The following AGMO variants were observed in gnomAD, a reference collection of about 807,000 sequenced individuals.
AGMO encodes the protein glyceryl-ether monooxygenase.
A neutral mutation model predicts 60.2 loss-of-function variants in AGMO; 75 were observed. That is an observed-to-expected ratio of 1.25 (90% CI 1.03 to 1.51). The LOEUF (loss-of-function observed/expected upper bound fraction) is 1.51, where lower values mean the gene tolerates loss of function less well. Among genes scored for constraint, AGMO ranks in the 40% most tolerant of loss-of-function variants. AGMO has a pLI of 0.00. For synonymous variants in AGMO, 261 were observed against 177.1 expected, an observed-to-expected ratio of 1.47 and a Z score of -3.76; for missense variants, 763 against 525.5, an observed-to-expected ratio of 1.45 and a Z score of -4.42.
chr7:15,172,909 C>A, the AGMO span, among the ~76,000 whole-genome samples: 3 of 152,080 alleles, frequency 2.0e-5, no homozygotes, highest in African/African-American at 4.8e-5. Context: ...ATCTGAAAAA[C>A]CTTACAATCA....
chr7:15,270,282 TG>T (rs1783556036), intron 12 of AGMO, among the ~76,000 whole-genome samples: 1 of 152,118 alleles, frequency 6.6e-6, no homozygotes, highest in Admixed American at 6.6e-5. Flanking sequence ...TGTTGTTTTT[TG>T]ACTTTGTATT....
chr7:15,189,086 G>T, the AGMO span, among the ~76,000 whole-genome samples: 2 of 152,162 alleles, frequency 1.3e-5, no homozygotes, highest in South Asian at 4.1e-4. Context: ...AAAATATTTT[G>T]AAGGATCCTA....
At chr7:15,271,320 G>C (rs571389038) in intron 12 of AGMO, among the ~76,000 whole-genome samples, 1 of 152,062 alleles carries the variant, frequency 6.6e-6, no homozygotes, top group African/African-American at 2.4e-5. Context: ...TTTTCCATTT[G>C]TTTATGTCAT....
intron 12 of AGMO, among the ~76,000 whole-genome samples, chr7:15,273,355 GT>G (rs1166902043): frequency 6.6e-6 from 1 of 152,110 alleles, no homozygotes; most frequent in Non-Finnish European, 1.5e-5. Context: ...TGGCTAGTCA[GT>G]TTTCCCAGCA....
chr7:15,165,789 G>A, the AGMO span, among the ~76,000 whole-genome samples: 1 of 151,978 alleles, frequency 6.6e-6, no homozygotes, highest in Non-Finnish European at 1.5e-5. Flanking sequence ...TTCTATAAAT[G>A]AGAATCTATA....
At chr7:15,439,914 T>C (rs1781503466) in intron 3 of AGMO, among the ~76,000 whole-genome samples, 2 of 152,164 alleles carry the variant, frequency 1.3e-5, no homozygotes, top group African/African-American at 4.8e-5. Context: ...TGTCTCTTGC[T>C]TCCAATCTCT....
At chr7:15,209,673 CAT>C (rs1781533350) in intron 12 of AGMO, among the ~76,000 whole-genome samples, 1 of 152,090 alleles carries the variant, frequency 6.6e-6, no homozygotes, top group Non-Finnish European at 1.5e-5. Flanking sequence ...AGTCTCAAGT[CAT>C]AAACTGCAGG....
rs1042137943 is a variant in AGMO at position 15,286,704 on chromosome 7, C to A, written c.1263+78810G>T. Among the ~76,000 whole-genome samples the A allele has an allele frequency of 2.0e-5, 3 of 152,042 alleles. No individual in the cohort carries two copies. In the South Asian group the frequency reaches 6.2e-4, roughly 32 times the overall value. On this transcript the variant is annotated intron_variant, in intron 12 of 12. Coordinates refer to ENST00000342526, the MANE Select transcript of AGMO (RefSeq NM_001004320.2). ...ACTAAAAGAAGATCTAGCATTGTATCCAGCAATCCCACTACTGGGTATCTC... is the reference window on the plus strand; with the variant it reads ...ACTAAAAGAAGATCTAGCATTGTATACAGCAATCCCACTACTGGGTATCTC...
At chr7:15,145,112 G>C in the AGMO span, among the ~76,000 whole-genome samples, 3 of 152,212 alleles carry the variant, frequency 2.0e-5, no homozygotes, top group Admixed American at 2.0e-4. Context: ...ACAGGCGTGA[G>C]CCGCTGCGCC....
chr7:15,325,455 A>C (rs1781308293), intron 12 of AGMO, among the ~76,000 whole-genome samples: 1 of 148,970 alleles, frequency 6.7e-6, no homozygotes, highest in Non-Finnish European at 1.5e-5. Flanking sequence ...GCTTATTTTT[A>C]ATTATTTTCC....
the AGMO span, among the ~76,000 whole-genome samples, chr7:15,179,061 C>A: frequency 6.6e-6 from 1 of 152,152 alleles, no homozygotes. Context: ...AGTCTCATTT[C>A]TTAATGCTGT....
At chr7:15,317,834 A>AT (rs1780973709) in intron 12 of AGMO, among the ~76,000 whole-genome samples, 1 of 141,050 alleles carries the variant, frequency 7.1e-6, no homozygotes, top group African/African-American at 2.5e-5. Context: ...AAAGGTTTAT[A>AT]TTTTTGTCAT....
chr7:15,138,587 A>C, the AGMO span, among the ~76,000 whole-genome samples: 2 of 146,014 alleles, frequency 1.4e-5, no homozygotes, highest in African/African-American at 2.5e-5. Flanking sequence ...AACTATCTGC[A>C]TTTCTAGGCA....
intron 10 of AGMO, among the ~76,000 whole-genome samples, chr7:15,370,349 T>C (rs763640748): frequency 3.9e-5 from 6 of 152,208 alleles, no homozygotes; most frequent in Non-Finnish European, 5.9e-5. Flanking sequence ...TTGTGAATAA[T>C]GCTGCGATGA....
intron 12 of AGMO, among the ~76,000 whole-genome samples, chr7:15,261,616 A>G (rs1583339194): frequency 6.6e-6 from 1 of 152,192 alleles, no homozygotes; most frequent in Admixed American, 6.6e-5. Flanking sequence ...TATCTAAAAG[A>G]TAAAGAAAGA....
intron 12 of AGMO, among the ~76,000 whole-genome samples, chr7:15,280,646 T>C (rs529227933): frequency 8.9e-4 from 136 of 152,170 alleles, no homozygotes; most frequent in Non-Finnish European, 1.5e-3. Context: ...CTGGTGCCCT[T>C]TGCAAATGCC....
chr7:15,399,532 A>C, intron 5 of AGMO, among the ~76,000 whole-genome samples: 1 of 152,204 alleles, frequency 6.6e-6, no homozygotes, highest in Non-Finnish European at 1.5e-5. Context: ...CTATTTCTTA[A>C]GCTATTTTAT....
the AGMO span, among the ~76,000 whole-genome samples, chr7:15,155,944 G>C: frequency 6.6e-6 from 1 of 152,222 alleles, no homozygotes; most frequent in Non-Finnish European, 1.5e-5. Context: ...CTCTAACCCT[G>C]AGGAGTTGTA....
intron 12 of AGMO, among the ~76,000 whole-genome samples, chr7:15,365,077 T>C (rs1268342119): frequency 6.6e-6 from 1 of 151,974 alleles, no homozygotes; most frequent in Non-Finnish European, 1.5e-5. Flanking sequence ...TTCAGTGACT[T>C]TATTTCTGTA....
Sources: allele counts gnomAD v4.1 joint callset (sites outside exome capture counted in the v4.1 genomes callset), GRCh38; gene constraint gnomAD v4.1.1; transcripts MANE v1.5; gene names NCBI Gene and HGNC (gene_info 2026-07-23, HGNC 2026-07-21).